CCDC7: variants seen among roughly 807,000 people sequenced by gnomAD.
The protein encoded by CCDC7 is coiled-coil domain-containing protein 7.
In CCDC7, 183 loss-of-function variants were observed where a neutral mutation model predicts 196.9. The observed-to-expected ratio is 0.93, with a 90% CI of 0.82 to 1.05. CCDC7 has a LOEUF of 1.05. CCDC7 is among the 50% of genes least tolerant of loss of function. The pLI is 0.00. For missense variants in CCDC7, 1,540 were observed against 1,482.2 expected, an observed-to-expected ratio of 1.04 and a Z score of -0.64; for synonymous variants, 525 against 484.6, an observed-to-expected ratio of 1.08 and a Z score of -1.10.
At chr10:32,817,152 G>A (rs2088858347) in intron 31 of CCDC7, among the ~76,000 whole-genome samples, 2 of 152,278 alleles carry the variant, frequency 1.3e-5, no homozygotes, top group East Asian at 1.9e-4. Flanking sequence ...AGGACCTGAT[G>A]GAGCTGAAAA....
intron 18 of CCDC7, among the ~76,000 whole-genome samples, chr10:32,591,500 G>GT (rs1041622453): frequency 1.3e-5 from 2 of 148,704 alleles, no homozygotes; most frequent in African/African-American, 4.9e-5. Context: ...CTTTTTGCTT[G>GT]TTTTTTTGTT....
intron 16 of CCDC7, chr10:32,574,332 A>G: frequency 1.6e-6 from 1 of 612,766 alleles, no homozygotes; most frequent in Non-Finnish European, 2.2e-6. Context: ...ATAATATATT[A>G]CATATTATAT....
chr10:32,511,112 A>G (rs1241071493), intron 9 of CCDC7, among the ~76,000 whole-genome samples: 2 of 151,930 alleles, frequency 1.3e-5, no homozygotes, highest in Non-Finnish European at 2.9e-5. Context: ...TATATAATAT[A>G]TCACAATGTT....
At position 32,704,920 on chromosome 10, in the gene CCDC7, C is replaced by G. The variant is rs4443970; in HGVS notation, c.2459-6700C>G. On this transcript the variant is annotated intron_variant, in intron 24 of 41. Coordinates refer to ENST00000639629, the Ensembl canonical transcript of CCDC7. The stretch of plus-strand genomic sequence containing the variant: ...TCCAGGTGCCATCTGTCACACCTTT[C>G]CTTGGCTAGGAAAGGGAATTCCCTG... Among the ~76,000 whole-genome samples the G allele has an allele frequency of 8.0e-3, 1,215 of 152,274 alleles. 18 individuals carry two copies. Among genetic ancestry groups the G allele is most frequent in the Middle Eastern group, 0.02 (6 of 294 alleles).
chr10:32,729,186 A>T (rs1209901857), intron 27 of CCDC7, 146 bp from the exon 29 acceptor site: 5 of 886,988 alleles, frequency 5.6e-6, no homozygotes, highest in Non-Finnish European at 8.6e-6. Context: ...TTGAATGGTC[A>T]TTAATTATAA....
intron 17 of CCDC7, 112 bp from the exon 19 acceptor site, chr10:32,584,120 A>G: frequency 2.4e-6 from 1 of 424,058 alleles, no homozygotes; most frequent in Non-Finnish European, 4.1e-6. Flanking sequence ...GACATTGTAG[A>G]TGAGAGCAAA....
At chr10:32,567,764 G>T (rs150529491) in exon 15 of CCDC7, 266 of 1,613,352 alleles carry the variant, frequency 1.6e-4, no homozygotes, top group Middle Eastern at 3.3e-4. Flanking sequence ...ATGCAAGTGG[G>T]TAATAGTCAA....
chr10:32,739,478 T>G (rs528594838), intron 28 of CCDC7, among the ~76,000 whole-genome samples: 1 of 152,230 alleles, frequency 6.6e-6, no homozygotes, highest in Non-Finnish European at 1.5e-5. Flanking sequence ...CCTTTTTTTC[T>G]TAGTTTTTCT....
intron 40 of CCDC7, among the ~76,000 whole-genome samples, chr10:32,852,700 T>TA (rs1470562751): frequency 2.6e-5 from 4 of 152,084 alleles, no homozygotes; most frequent in African/African-American, 9.7e-5. Flanking sequence ...AGGTTCTAAG[T>TA]AAAAAATCAA....
chr10:32,533,861 TTA>T (rs1265620010), intron 11 of CCDC7, among the ~76,000 whole-genome samples: 1 of 152,028 alleles, frequency 6.6e-6, no homozygotes, highest in Non-Finnish European at 1.5e-5. Flanking sequence ...AGCTTCATTA[TTA>T]TATGTCTTAT....
At chr10:32,616,728 C>G (rs1006994628) in intron 18 of CCDC7, among the ~76,000 whole-genome samples, 8 of 151,706 alleles carry the variant, frequency 5.3e-5, no homozygotes, top group African/African-American at 1.9e-4. Flanking sequence ...AATGGGCATT[C>G]TTGTCTTCTG....
At chr10:32,702,114 G>A (rs1470802349) in intron 24 of CCDC7, among the ~76,000 whole-genome samples, 1 of 151,796 alleles carries the variant, frequency 6.6e-6, no homozygotes, top group Non-Finnish European at 1.5e-5. Flanking sequence ...GTGATGTTAG[G>A]GTGTCCATTT....
At chr10:32,808,497 T>C (rs2086342689) in intron 30 of CCDC7, among the ~76,000 whole-genome samples, 1 of 152,144 alleles carries the variant, frequency 6.6e-6, no homozygotes, top group Non-Finnish European at 1.5e-5. Flanking sequence ...CTGTGGGTTG[T>C]TTCACCACTG....
In CCDC7 at chr10:32,775,806, A is replaced by G. The variant is rs529714328; in HGVS notation, c.2906-3171A>G. On this transcript the variant is annotated intron_variant, in intron 28 of 41. Transcript: ENST00000639629. ...ATATTTTGAAATTTTGAAAATTATC[A>G]TGCTGCTATAAAGACACATGCACAC... Among the ~76,000 whole-genome samples, 18 of 152,336 alleles carry G rather than the reference A, an allele frequency of 1.2e-4. No individual in the cohort carries two copies. The South Asian group carries it at 3.1e-3, about 26-fold the overall frequency.
At chr10:32,827,685 C>T (rs2091344930) in intron 32 of CCDC7, among the ~76,000 whole-genome samples, 1 of 151,980 alleles carries the variant, frequency 6.6e-6, no homozygotes, top group Non-Finnish European at 1.5e-5. Context: ...GGGAGAAATA[C>T]CTAAGGTAAA....
intron 21 of CCDC7, among the ~76,000 whole-genome samples, chr10:32,678,526 A>G (rs1424516781): frequency 1.3e-5 from 2 of 151,942 alleles, no homozygotes; most frequent in Non-Finnish European, 2.9e-5. Flanking sequence ...CAGCTATTGG[A>G]TCCATACTGT....
At chr10:32,655,558 G>A (rs1475762498) in intron 20 of CCDC7, among the ~76,000 whole-genome samples, 2 of 151,936 alleles carry the variant, frequency 1.3e-5, no homozygotes, top group African/African-American at 4.8e-5. Flanking sequence ...ACAGAGTCTT[G>A]CTCTGTTGCC....
At chr10:32,834,859 A>G in exon 33 of CCDC7, 2 of 1,466,746 alleles carry the variant, frequency 1.4e-6, no homozygotes, top group Non-Finnish European at 1.9e-6. Flanking sequence ...AAAAGATATA[A>G]TAAAGCATCT....
chr10:32,559,742 G>A (rs544055539), intron 13 of CCDC7, among the ~76,000 whole-genome samples: 110 of 152,252 alleles, frequency 7.2e-4, no homozygotes, highest in African/African-American at 2.5e-3. Flanking sequence ...CAGAAAAACT[G>A]GAAACTCTAA....
Sources: allele counts gnomAD v4.1 joint callset (sites outside exome capture counted in the v4.1 genomes callset), GRCh38; gene constraint gnomAD v4.1.1; transcripts MANE v1.5; gene names NCBI Gene and HGNC (gene_info 2026-07-23, HGNC 2026-07-21).